ADAMTSL1: variants seen among roughly 807,000 people sequenced by gnomAD.
ADAMTSL1 encodes ADAMTS like 1.
A neutral mutation model predicts 201.8 loss-of-function variants in ADAMTSL1; 126 were observed. That is an observed-to-expected ratio of 0.62 (90% confidence interval 0.54 to 0.72). The LOEUF is 0.72. ADAMTSL1 is among the 30% of genes least tolerant of loss of function. The pLI is 0.00. For synonymous variants in ADAMTSL1, 1,121 were observed against 903.4 expected, an observed-to-expected ratio of 1.24 and a Z score of -4.32; for missense variants, 2,679 against 2,277.8, an observed-to-expected ratio of 1.18 and a Z score of -3.59.
intron 1 of ADAMTSL1, among the ~76,000 whole-genome samples, chr9:18,051,941 C>T (rs140950633): frequency 1.3e-5 from 2 of 152,212 alleles, no homozygotes; most frequent in Non-Finnish European, 1.5e-5. Flanking sequence ...TTATTGGTTA[C>T]CTGAGTCTGT....
intron 23 of ADAMTSL1, among the ~76,000 whole-genome samples, chr9:18,866,865 C>G (rs1255658634): frequency 2.6e-5 from 4 of 152,218 alleles, no homozygotes; most frequent in Admixed American, 6.5e-5. Context: ...CTTTAATCTC[C>G]TCTTGCTCTG....
chr9:18,135,901 C>T (rs1461310027), intron 1 of ADAMTSL1, among the ~76,000 whole-genome samples: 3 of 152,100 alleles, frequency 2.0e-5, no homozygotes, highest in Admixed American at 6.6e-5. Flanking sequence ...CTTTATATGG[C>T]ATACCCCTCA....
At chr9:18,685,100 G>A (rs908345269) in intron 13 of ADAMTSL1, 12 of 605,938 alleles carry the variant, frequency 2.0e-5, no homozygotes, top group African/African-American at 2.0e-4. Context: ...GAAGGCCCAG[G>A]CTGCAGCTGA....
chr9:17,974,916 T>C (rs1818381030), intron 1 of ADAMTSL1, among the ~76,000 whole-genome samples: 1 of 152,050 alleles, frequency 6.6e-6, no homozygotes, highest in Non-Finnish European at 1.5e-5. Context: ...AATAGTTCTG[T>C]TTTTAATTTC....
At chr9:18,278,545 A>T (rs1226583882) in intron 2 of ADAMTSL1, among the ~76,000 whole-genome samples, 9 of 152,108 alleles carry the variant, frequency 5.9e-5, no homozygotes, top group Admixed American at 5.9e-4. Context: ...AGTCCCTTAC[A>T]TGTGACTAGT....
intron 3 of ADAMTSL1, among the ~76,000 whole-genome samples, chr9:18,562,174 C>G (rs1206673543): frequency 6.6e-6 from 1 of 152,148 alleles, no homozygotes; most frequent in East Asian, 1.9e-4. Context: ...TTTTTCTTTC[C>G]ATGTTTAGCG....
chr9:18,791,537 T>G (rs1204303287), intron 19 of ADAMTSL1, among the ~76,000 whole-genome samples: 1 of 152,034 alleles, frequency 6.6e-6, no homozygotes, highest in Non-Finnish European at 1.5e-5. Flanking sequence ...AAAAAAGTGC[T>G]GGACCAAAAA....
intron 1 of ADAMTSL1, among the ~76,000 whole-genome samples, chr9:18,141,434 TCACAGGGCC>T (rs1174870568): frequency 3.1e-4 from 47 of 152,066 alleles, no homozygotes; most frequent in Non-Finnish European, 6.3e-4. Flanking sequence ...GAACACAGAG[TCACAGGGCC>T]TCGATTCAAG....
At chr9:18,408,202 C>T (rs967174186) in intron 2 of ADAMTSL1, among the ~76,000 whole-genome samples, 2 of 152,184 alleles carry the variant, frequency 1.3e-5, no homozygotes, top group African/African-American at 4.8e-5. Flanking sequence ...GGCGCTGTGG[C>T]TGACACCTGC....
chr9:18,886,166 G>GTGTGTATA (rs1554657845), intron 23 of ADAMTSL1, among the ~76,000 whole-genome samples: 10 of 37,126 alleles, frequency 2.7e-4, no homozygotes, highest in African/African-American at 1.2e-3. Flanking sequence ...GTGTGTATGT[G>GTGTGTATA]TATATATATA....
At chr9:18,451,933 C>T (rs947716468) in intron 2 of ADAMTSL1, among the ~76,000 whole-genome samples, 3 of 152,110 alleles carry the variant, frequency 2.0e-5, no homozygotes, top group African/African-American at 4.8e-5. Flanking sequence ...TCTTTGAGAC[C>T]GAGTTTCGCT....
chr9:18,022,043 G>A lies in ADAMTSL1; in HGVS notation c.87+115121G>A, dbSNP rs550234176. 2.6e-5 allele frequency among the ~76,000 whole-genome samples: 4 copies of A among 152,198 alleles called. No homozygotes were observed. In the South Asian group the frequency reaches 8.3e-4, roughly 32 times the overall value. On this transcript the variant is annotated intron_variant, in intron 1 of 29. Coordinates refer to the ADAMTSL1 transcript ENST00000680146. ...GTTAAAGAAAGGAAGATTCTACACA[G>A]CCTCTAACATTCACAGTACTCATTT...
chr9:18,123,049 A>G (rs889460872), intron 1 of ADAMTSL1, among the ~76,000 whole-genome samples: 1 of 152,174 alleles, frequency 6.6e-6, no homozygotes, highest in African/African-American at 2.4e-5. Flanking sequence ...TCAAGTTTAA[A>G]GATATATTTT....
intron 3 of ADAMTSL1, among the ~76,000 whole-genome samples, chr9:18,548,840 A>G (rs1820627050): frequency 6.6e-6 from 1 of 152,068 alleles, no homozygotes. Context: ...GAAATTTGCA[A>G]TTCAAAAATC....
chr9:18,359,664 C>G (rs970849655), intron 2 of ADAMTSL1, among the ~76,000 whole-genome samples: 1 of 152,250 alleles, frequency 6.6e-6, no homozygotes, highest in South Asian at 2.1e-4. Context: ...GTTTTCAGAT[C>G]TTTTTCCATC....
chr9:18,243,908 G>A (rs1233820456), intron 2 of ADAMTSL1, among the ~76,000 whole-genome samples: 2 of 151,684 alleles, frequency 1.3e-5, no homozygotes, highest in African/African-American at 2.4e-5. Context: ...AAGTGGTCAC[G>A]AATGCTTAGT....
At chr9:18,693,986 A>T (rs1017251878) in intron 13 of ADAMTSL1, among the ~76,000 whole-genome samples, 2 of 152,170 alleles carry the variant, frequency 1.3e-5, no homozygotes, top group Non-Finnish European at 2.9e-5. Context: ...CAGGAAGCAG[A>T]GCTGGGGAGG....
chr9:18,360,432 G>A (rs920183736), intron 2 of ADAMTSL1, among the ~76,000 whole-genome samples: 6 of 152,160 alleles, frequency 3.9e-5, no homozygotes, highest in South Asian at 2.1e-4. Flanking sequence ...TTCTGGGCAA[G>A]ATTTTTGAAC....
intron 2 of ADAMTSL1, among the ~76,000 whole-genome samples, chr9:18,192,691 T>C (rs916547156): frequency 3.9e-5 from 6 of 152,096 alleles, no homozygotes; most frequent in African/African-American, 1.2e-4. Context: ...ACACTTTTAC[T>C]AGACTCAAAA....
Sources: allele counts gnomAD v4.1 joint callset (sites outside exome capture counted in the v4.1 genomes callset), GRCh38; gene constraint gnomAD v4.1.1; transcripts MANE v1.5; gene names NCBI Gene and HGNC (gene_info 2026-07-23, HGNC 2026-07-21).